KHDRBS2: variants seen among roughly 807,000 people sequenced by gnomAD.
KHDRBS2 encodes KH domain-containing, RNA-binding, signal transduction-associated protein 2.
In KHDRBS2, 26 loss-of-function variants were observed where a neutral mutation model predicts 44.3. The observed-to-expected ratio is 0.59, with a 90% confidence interval of 0.43 to 0.81. KHDRBS2 has a LOEUF of 0.81. KHDRBS2 is among the 40% of genes least tolerant of loss of function. The pLI is 0.00. For missense variants in KHDRBS2, 476 were observed against 433.1 expected (o/e 1.10, Z -0.88); for synonymous variants, 194 against 151.1 (o/e 1.28, Z -2.08).
In KHDRBS2 at chr6:61,997,691, C is replaced by G. The variant is rs1032679323; in HGVS notation, c.337-19479G>C. On this transcript the variant is annotated intron_variant, in intron 3 of 8. Transcript: ENST00000281156. Reference sequence around the variant, plus strand: ...TGGATCCTCCTAATCCTCAATAAAGCCCTTAAGGATATAGTGAGCAGCATC... The same window carrying G: ...TGGATCCTCCTAATCCTCAATAAAGGCCTTAAGGATATAGTGAGCAGCATC... Among the ~76,000 whole-genome samples the G allele has an allele frequency of 7.9e-5, 12 of 152,096 alleles. No homozygotes were observed. In the South Asian group the frequency reaches 2.5e-3, roughly 32 times the overall value.
intron 2 of KHDRBS2, among the ~76,000 whole-genome samples, chr6:62,062,858 T>G (rs1238635755): frequency 4.1e-4 from 60 of 146,354 alleles, no homozygotes; most frequent in African/African-American, 1.5e-3. Flanking sequence ...TTTGAAAGGA[T>G]CAACAAAATT....
chr6:61,845,498 C>T (rs531595098), intron 6 of KHDRBS2, among the ~76,000 whole-genome samples: 4 of 152,130 alleles, frequency 2.6e-5, no homozygotes, highest in South Asian at 2.1e-4. Flanking sequence ...TTAGTAGAGA[C>T]GGGGTTTCAC....
intron 1 of KHDRBS2, among the ~76,000 whole-genome samples, chr6:62,228,477 G>C (rs1832308105): frequency 6.6e-6 from 1 of 152,012 alleles, no homozygotes; most frequent in African/African-American, 2.4e-5. Context: ...CAAAAAACCA[G>C]CCCCTGGATT....
intron 7 of KHDRBS2, among the ~76,000 whole-genome samples, chr6:61,714,445 T>C (rs1340298429): frequency 6.6e-6 from 1 of 151,938 alleles, no homozygotes; most frequent in Non-Finnish European, 1.5e-5. Context: ...CTGGTGGAAA[T>C]GTAAATTAGT....
chr6:61,630,738 G>T, the KHDRBS2 span, among the ~76,000 whole-genome samples: 1 of 152,156 alleles, frequency 6.6e-6, no homozygotes, highest in African/African-American at 2.4e-5. Flanking sequence ...GTATTGAACA[G>T]GGGAAAGATT....
At chr6:61,676,209 ACT>A (rs766178849), downstream of KHDRBS2, among the ~76,000 whole-genome samples, 1 of 151,730 alleles carries the variant, frequency 6.6e-6, no homozygotes, top group Non-Finnish European at 1.5e-5. Flanking sequence ...AGAAATTATC[ACT>A]CTCTGTCTCT....
chr6:62,054,319 T>C (rs1317761929), intron 2 of KHDRBS2, among the ~76,000 whole-genome samples: 1 of 152,020 alleles, frequency 6.6e-6, no homozygotes, highest in Admixed American at 6.6e-5. Context: ...CATCCAGTCC[T>C]GGGGCACAGA....
intron 2 of KHDRBS2, among the ~76,000 whole-genome samples, chr6:62,105,858 A>T (rs1350489527): frequency 6.6e-6 from 1 of 151,882 alleles, no homozygotes; most frequent in East Asian, 1.9e-4. Flanking sequence ...GAGTTCTTTT[A>T]ATTGTGATGT....
chr6:61,648,702 G>A, the KHDRBS2 span, among the ~76,000 whole-genome samples: 1 of 152,254 alleles, frequency 6.6e-6, no homozygotes, highest in East Asian at 1.9e-4. Context: ...ACTGGGGAGG[G>A]AAGGAGACAG....
At chr6:62,139,234 T>C (rs1812230656) in intron 2 of KHDRBS2, among the ~76,000 whole-genome samples, 1 of 152,026 alleles carries the variant, frequency 6.6e-6, no homozygotes, top group Admixed American at 6.6e-5. Flanking sequence ...AAAAGAACTA[T>C]TAATTTGAGT....
downstream of KHDRBS2, among the ~76,000 whole-genome samples, chr6:61,678,378 G>A (rs962227777): frequency 6.6e-6 from 1 of 151,934 alleles, no homozygotes. Context: ...ATGGAATGCT[G>A]GATGAGAAGC....
At chr6:62,133,452 GAACTGTGAGTCCATTA>G (rs370837778) in intron 2 of KHDRBS2, among the ~76,000 whole-genome samples, 57 of 152,258 alleles carry the variant, frequency 3.7e-4, no homozygotes, top group African/African-American at 1.3e-3. Context: ...CCAGTAAGTG[GAACTGTGAGTCCATTA>G]AACCTCTTTT....
At chr6:61,747,984 G>A (rs1777103366) in intron 6 of KHDRBS2, among the ~76,000 whole-genome samples, 2 of 152,084 alleles carry the variant, frequency 1.3e-5, no homozygotes, top group Admixed American at 6.6e-5. Context: ...CTTAGGTTTA[G>A]TTCTGATCCT....
chr6:62,121,769 G>T (rs907635301), intron 2 of KHDRBS2, among the ~76,000 whole-genome samples: 3 of 152,162 alleles, frequency 2.0e-5, no homozygotes, highest in African/African-American at 7.2e-5. Flanking sequence ...ATTGGATCTA[G>T]TGAGCAAGAA....
the KHDRBS2 span, among the ~76,000 whole-genome samples, chr6:61,647,785 G>A: frequency 7.2e-5 from 11 of 152,052 alleles, no homozygotes; most frequent in African/African-American, 2.7e-4. Flanking sequence ...GATCTTTTAT[G>A]CATTCCAGCT....
the KHDRBS2 span, among the ~76,000 whole-genome samples, chr6:61,567,531 C>T: frequency 1.3e-5 from 2 of 152,156 alleles, no homozygotes; most frequent in African/African-American, 2.4e-5. Flanking sequence ...GTCTTAGCTA[C>T]TCTGGAGGCT....
chr6:62,204,089 A>T (rs1263830648), intron 1 of KHDRBS2, among the ~76,000 whole-genome samples: 1 of 152,140 alleles, frequency 6.6e-6, no homozygotes, highest in Non-Finnish European at 1.5e-5. Flanking sequence ...CCCTCACCAG[A>T]AGCAGATGCT....
chr6:61,770,480 G>T (rs147725646), intron 6 of KHDRBS2, among the ~76,000 whole-genome samples: 2,067 of 152,250 alleles, frequency 0.014, 30 homozygotes, highest in Non-Finnish European at 0.022. Flanking sequence ...CCAATGCAGA[G>T]AAGTACTTAA....
chr6:61,868,567 C>A (rs572462994), intron 6 of KHDRBS2, among the ~76,000 whole-genome samples: 1 of 152,256 alleles, frequency 6.6e-6, no homozygotes, highest in East Asian at 1.9e-4. Context: ...GATTGGGGTC[C>A]CACTTAAAGA....
Sources: gnomAD v4.1 joint callset for allele counts (sites outside exome capture counted in the v4.1 genomes callset) on GRCh38, gnomAD v4.1.1 for gene constraint, MANE v1.5 for transcripts, NCBI Gene and HGNC (gene_info 2026-07-23, HGNC 2026-07-21) for gene names.